ZBED4: variants seen among roughly 807,000 people sequenced by gnomAD.
The protein encoded by ZBED4 is zinc finger BED domain-containing protein 4.
ZBED4 carries 4 observed loss-of-function variants against 15.5 expected under a neutral mutation model. The ratio of observed to expected loss-of-function variants is 0.26; its 90% CI spans 0.13 to 0.59. The LOEUF (loss-of-function observed/expected upper bound fraction) is 0.59, where lower values mean the gene tolerates loss of function less well. Ranked by LOEUF, ZBED4 falls within the 20% of genes least tolerant of loss-of-function variation. ZBED4 has a pLI of 0.90. For missense variants in ZBED4, 1,323 were observed against 1,461.8 expected (o/e 0.91, Z 1.55); for synonymous variants, 692 against 608.5 (o/e 1.14, Z -2.02).
chr22:49,858,056 C>T (rs5769757), intron 1 of ZBED4, among the ~76,000 whole-genome samples: 113,310 of 152,092 alleles, frequency 0.75, 44,802 homozygotes, highest in East Asian at 0.9. Flanking sequence ...CGTGAGCCAC[C>T]GCGCCCAGCC....
intron 1 of ZBED4, among the ~76,000 whole-genome samples, chr22:49,879,547 A>T (rs1601798345): frequency 6.7e-6 from 1 of 148,828 alleles, no homozygotes; most frequent in Non-Finnish European, 1.5e-5. Context: ...TATTTGTCTT[A>T]TGTCCGGGCC....
At chr22:49,853,524 G>C (rs936760129), upstream of ZBED4, among the ~76,000 whole-genome samples, 3 of 152,182 alleles carry the variant, frequency 2.0e-5, no homozygotes, top group South Asian at 2.1e-4. Flanking sequence ...GCCAAGCCAC[G>C]GGACGAAACC....
chr22:49,876,049 G>T (rs923334047), intron 1 of ZBED4, among the ~76,000 whole-genome samples: 3 of 151,070 alleles, frequency 2.0e-5, no homozygotes, highest in African/African-American at 7.3e-5. Flanking sequence ...TTGATACTGC[G>T]TGTAATATAA....
At chr22:49,858,277 A>G (rs1190409218) in intron 1 of ZBED4, among the ~76,000 whole-genome samples, 1 of 152,158 alleles carries the variant, frequency 6.6e-6, no homozygotes, top group Non-Finnish European at 1.5e-5. Context: ...TCCTGCTGGA[A>G]TTTGTGGCAG....
At chr22:49,859,140 C>T (rs1018903308) in intron 1 of ZBED4, among the ~76,000 whole-genome samples, 2 of 152,078 alleles carry the variant, frequency 1.3e-5, no homozygotes, top group African/African-American at 4.8e-5. Flanking sequence ...GGCAGTGGCA[C>T]CTTGGCTTTA....
chr22:49,888,630 T>C lies in ZBED4; in HGVS notation c.*1452T>C, dbSNP rs1356569917. The C allele has an allele frequency of 6.0e-6, 1 of 167,258 alleles. No homozygotes were observed. The highest frequency in any genetic ancestry group is 2.4e-5 in the African/African-American group (1 of 41,454). 10.4% of individuals were successfully genotyped at this position (167,258 alleles called of 1,614,324 possible). A position where few individuals can be genotyped will look rare whatever the true frequency, so the allele number is the denominator to read the frequency against. ...CTGATCATGGCCATGGTGATGACTT[T>C]CCAGGTCTCGTGTTCAAGTGGTGCC... On this transcript the variant is annotated 3_prime_UTR_variant, in exon 2 of 2. Transcript: ENST00000216268.
At position 49,884,807 on chromosome 22, in the gene ZBED4, A is replaced by T. The variant is rs139902588; in HGVS notation, c.1145A>T (p.Glu382Val). Residue 382 changes from glutamate (E) to valine (V), a missense_variant, in exon 2 of 2, where the codon GAG becomes GTG. By Grantham distance (121) the Glu-to-Val change is moderately radical. This residue lies in a region of ZBED4 where 429 missense variants were observed against 397.9 expected (regional missense o/e 1.08). Transcript: ENST00000216268. The stretch of plus-strand genomic sequence containing the variant: ...TCGTCTCCAGTAAAGCCGGTCAGAG[A>T]GTCCCCTTCGGCCTCCTCCTCCCCT... ...VSSSPVKPVR[E>V]SPSASSSPDR... is the part of the protein sequence containing the mutation. 578 of 1,610,100 alleles carry T rather than the reference A, an allele frequency of 3.6e-4. 1 individual carries two copies. In the African/African-American group the frequency reaches 6.7e-3, roughly 19 times the overall value.
chr22:49,863,839 A>C (rs1225743759), intron 1 of ZBED4, among the ~76,000 whole-genome samples: 1 of 152,084 alleles, frequency 6.6e-6, no homozygotes, highest in Non-Finnish European at 1.5e-5. Flanking sequence ...CCAGTTAGGG[A>C]TTTGATGTTG....
upstream of ZBED4, chr22:49,853,830 G>GC (rs2060262106): frequency 6.9e-6 from 1 of 144,894 alleles, no homozygotes; most frequent in African/African-American, 2.5e-5. Context: ...GCCGCGCGGG[G>GC]CCCTGGGAGG....
chr22:49,857,701 G>C (rs738708), intron 1 of ZBED4, among the ~76,000 whole-genome samples: 140,416 of 152,246 alleles, frequency 0.92, 64,853 homozygotes, highest in African/African-American at 0.98. Flanking sequence ...AAGTGATTCT[G>C]CTGCCTTAGC....
intron 1 of ZBED4, among the ~76,000 whole-genome samples, chr22:49,873,222 A>G (rs2060357349): frequency 6.6e-6 from 1 of 152,218 alleles, no homozygotes. Flanking sequence ...ACGTGCCTTC[A>G]TCACTAAGCT....
At chr22:49,875,479 G>T (rs1054584400) in intron 1 of ZBED4, among the ~76,000 whole-genome samples, 19 of 149,844 alleles carry the variant, frequency 1.3e-4, no homozygotes, top group Non-Finnish European at 1.6e-4. Flanking sequence ...GGAGTACAGT[G>T]GCGCCATCTT....
intron 1 of ZBED4, among the ~76,000 whole-genome samples, chr22:49,855,715 T>G (rs1169558463): frequency 6.6e-6 from 1 of 152,194 alleles, no homozygotes; most frequent in African/African-American, 2.4e-5. Context: ...TTTGCCTGGC[T>G]TTAGCTTCTG....
At chr22:49,865,333 A>G (rs1355440000) in intron 1 of ZBED4, among the ~76,000 whole-genome samples, 1 of 152,080 alleles carries the variant, frequency 6.6e-6, no homozygotes, top group Non-Finnish European at 1.5e-5. Context: ...GTTGCTGTGC[A>G]GCACGTGACT....
At chr22:49,875,775 C>T (rs2060373420) in intron 1 of ZBED4, among the ~76,000 whole-genome samples, 1 of 152,058 alleles carries the variant, frequency 6.6e-6, no homozygotes, top group Non-Finnish European at 1.5e-5. Context: ...TTATATGTTT[C>T]CTTACTATCC....
chr22:49,885,510 C>A lies in ZBED4; in HGVS notation c.1848C>A (p.Val616=). The A allele has an allele frequency of 6.2e-7, 1 of 1,610,144 alleles. No homozygotes were observed. Among genetic ancestry groups the A allele is most frequent in the Non-Finnish European group, 8.5e-7 (1 of 1,176,574 alleles). The change falls in exon 2 of 2, where the codon GTC becomes GTA. Residue 616 remains valine, a synonymous_variant. Coordinates refer to ENST00000216268, the MANE Select transcript of ZBED4 (RefSeq NM_014838.3). ...RFHSNVLKTE[V]SETARPSSPD... ...ATAGCAACGTGCTGAAAACTGAGGT[C>A]TCGGAGACGGCTCGGCCCTCCTCTC...
At chr22:49,853,816 C>T (rs2060261996), upstream of ZBED4, 1 of 145,270 alleles carries the variant, frequency 6.9e-6, no homozygotes, top group Admixed American at 6.8e-5. Context: ...CAGCCCCGCC[C>T]CGCGCCGCGC....
chr22:49,871,758 T>A (rs1472472489), intron 1 of ZBED4, among the ~76,000 whole-genome samples: 4 of 119,772 alleles, frequency 3.3e-5, no homozygotes, highest in Non-Finnish European at 4.9e-5. Context: ...TATTTATTTA[T>A]TTTTTTTTTT....
chr22:49,872,828 C>T (rs930865546), intron 1 of ZBED4, among the ~76,000 whole-genome samples: 1 of 152,046 alleles, frequency 6.6e-6, no homozygotes, highest in Non-Finnish European at 1.5e-5. Flanking sequence ...GCCTCAGCCT[C>T]CCGAGTAGCT....
Sources: allele counts gnomAD v4.1 joint callset (sites outside exome capture counted in the v4.1 genomes callset), GRCh38; gene constraint gnomAD v4.1.1; regional missense constraint gnomAD v4.1.1; transcripts MANE v1.5; gene names NCBI Gene and HGNC (gene_info 2026-07-23, HGNC 2026-07-21).